Variants in SYNE1 observed in about 807,000 individuals in gnomAD.
The protein encoded by SYNE1 is spectrin repeat containing nuclear envelope protein 1, also known as nesprin-1.
A neutral mutation model predicts 1,111.0 loss-of-function variants in SYNE1; 616 were observed. The observed-to-expected ratio is 0.55, with a 90% CI of 0.52 to 0.59. The LOEUF (loss-of-function observed/expected upper bound fraction) is 0.59. SYNE1 is among the 20% of genes least tolerant of loss of function. SYNE1 has a pLI of 0.00. For missense variants in SYNE1, 10,006 were observed against 10,417.0 expected, an observed-to-expected ratio of 0.96 and a Z score of 1.72; for synonymous variants, 3,855 against 3,825.8, an observed-to-expected ratio of 1.01 and a Z score of -0.28.
intron 14 of SYNE1, chr6:152,480,878 A>T: frequency 2.3e-6 from 1 of 433,648 alleles, no homozygotes; most frequent in Admixed American, 2.6e-5. Context: ...GATCCACTTC[A>T]TTTCTGGTTT....
Position 152,326,457 on chromosome 6 carries a change from CT to C in SYNE1, c.15131del (p.Gln5044ArgfsTer13). 1 of 1,614,196 alleles carries C rather than the reference CT, an allele frequency of 6.2e-7. No individual in the cohort carries two copies. The highest frequency in any genetic ancestry group is 8.5e-7 in the Non-Finnish European group (1 of 1,180,046). On this transcript the variant is annotated frameshift_variant, in exon 79 of 146. Transcript: ENST00000367255. LOFTEE classifies it high-confidence loss of function. ...SHMEFFSTED[Q>X]FHSNLEELHS... The stretch of plus-strand genomic sequence containing the variant: ...GGAGCTCCTCCAGGTTACTATGGAA[CT>C]GATCCTCTGTACTGAAAAATTCCAT...
At chr6:152,486,218 AC>A (rs1056981298) in intron 12 of SYNE1, among the ~76,000 whole-genome samples, 6 of 151,028 alleles carry the variant, frequency 4.0e-5, no homozygotes, top group African/African-American at 1.5e-4. Context: ...ATTAAAAAAA[AC>A]AACAAAAAAA....
chr6:152,288,366 G>C (rs1313859751), intron 95 of SYNE1, among the ~76,000 whole-genome samples: 2 of 152,092 alleles, frequency 1.3e-5, no homozygotes, highest in Non-Finnish European at 2.9e-5. Context: ...TCTGTTTTCT[G>C]TTTGATGTGT....
chr6:152,492,947 C>G (rs2154307522), intron 11 of SYNE1, among the ~76,000 whole-genome samples: 1 of 152,218 alleles, frequency 6.6e-6, no homozygotes, highest in African/African-American at 2.4e-5. Context: ...TAGTTATCCC[C>G]ATCTGCCCAG....
chr6:152,225,723 T>C lies in SYNE1; in HGVS notation c.21349A>G (p.Met7117Val). 3.7e-6 allele frequency: 6 copies of C among 1,614,162 alleles called. No homozygotes were observed. The highest frequency in any genetic ancestry group is 5.1e-6 in the Non-Finnish European group (6 of 1,180,004). ...TGGCTTTCTGTGAGCAATATTACCA[T>C]GTGATCTAAATTTGCCCAGGTTTGG... Reference protein sequence around the residue: ...LGQTWANLDHMVGQLKILLKS... With the variant: ...LGQTWANLDHVVGQLKILLKS... Residue 7117 changes from methionine to valine, a missense_variant and splice_region_variant, in exon 116 of 146, where the codon ATG becomes GTG. Met to Val is a conservative substitution (Grantham distance 21, BLOSUM62 1). This residue lies in a region of SYNE1 where 2,182 missense variants were observed against 2,287.8 expected (regional missense o/e 0.95). Transcript: ENST00000367255.
chr6:152,141,778 A>T (rs2058599047), intron 138 of SYNE1, among the ~76,000 whole-genome samples: 1 of 151,856 alleles, frequency 6.6e-6, no homozygotes, highest in Non-Finnish European at 1.5e-5. Flanking sequence ...AAGAAAAAAT[A>T]AGCAGAGGTA....
intron 128 of SYNE1, among the ~76,000 whole-genome samples, chr6:152,180,541 G>A (rs2153183045): frequency 6.6e-6 from 1 of 152,016 alleles, no homozygotes; most frequent in East Asian, 1.9e-4. Context: ...CACACAATTG[G>A]TTCAGGATAG....
At chr6:152,240,493 C>T (rs1314204826) in intron 107 of SYNE1, among the ~76,000 whole-genome samples, 1 of 152,112 alleles carries the variant, frequency 6.6e-6, no homozygotes, top group Non-Finnish European at 1.5e-5. Flanking sequence ...GGCCTTGCGC[C>T]ATCCTACTAA....
rs142799802 is a variant in SYNE1, at chr6:152,320,773, G to T, written c.16236+465C>A. ...GATGGCTCTTCTCTAGCAACATTAG[G>T]GGACCCACCCGCATGCATTTTAGGA... On this transcript the variant is annotated intron_variant, in intron 84 of 145. Transcript: ENST00000367255. Among the ~76,000 whole-genome samples, 62 of 152,238 alleles carry T rather than the reference G, an allele frequency of 4.1e-4. No homozygotes were observed. In the Middle Eastern group the frequency reaches 0.01, roughly 25 times the overall value.
At position 152,122,312 on chromosome 6, in the gene SYNE1, G is replaced by A; in HGVS notation, c.*124C>T. Reference sequence around the variant, plus strand: ...ATTTGCACACATGTGATCTGGAGGAGGGCTAAAGCTGCCACACCGAGGGCT... The same window carrying A: ...ATTTGCACACATGTGATCTGGAGGAAGGCTAAAGCTGCCACACCGAGGGCT... On this transcript the variant is annotated 3_prime_UTR_variant, in exon 146 of 146. Coordinates refer to ENST00000367255, the MANE Select transcript of SYNE1 (RefSeq NM_182961.4). 6 of 1,496,550 alleles carry A rather than the reference G, an allele frequency of 4.0e-6. No homozygotes were observed. In the South Asian group the frequency reaches 6.9e-5, roughly 17 times the overall value. The allele number at this position is 1,496,550 out of a possible 1,614,324, so 92.7% of individuals were successfully genotyped here.
chr6:152,413,416 C>T lies in SYNE1; in HGVS notation c.6166G>A (p.Val2056Ile). 1 of 1,614,152 alleles carries T rather than the reference C, an allele frequency of 6.2e-7. No individual in the cohort carries two copies. The highest frequency in any genetic ancestry group is 1.6e-4 in the Middle Eastern group (1 of 6,062). The part of the protein sequence containing the change: ...AQKDVAFAPE[V>I]DREINRLEVT... Reference sequence around the variant, plus strand: ...TCTAAGCGGTTTATCTCCCTGTCAACTTCAGGTGCAAAAGCTACATCTTTC... The same window carrying T: ...TCTAAGCGGTTTATCTCCCTGTCAATTTCAGGTGCAAAAGCTACATCTTTC... Residue 2056 changes from valine (V) to isoleucine (I), a missense_variant, in exon 42 of 146, where the codon GTT (valine) becomes ATT (isoleucine). Around this residue, in one of 7 missense-constraint regions of SYNE1, gnomAD observed 4,955 missense variants for 5,017.2 expected, o/e 0.99. Coordinates refer to ENST00000367255, the MANE Select transcript of SYNE1 (RefSeq NM_182961.4).
At chr6:152,168,866 C>A (rs1246538000) in intron 130 of SYNE1, among the ~76,000 whole-genome samples, 2 of 151,988 alleles carry the variant, frequency 1.3e-5, no homozygotes, top group Non-Finnish European at 2.9e-5. Flanking sequence ...ATGTAGATGA[C>A]AAAAATAACA....
chr6:152,368,919 C>G, intron 61 of SYNE1, 53 bp downstream of exon 61: 1 of 1,612,982 alleles, frequency 6.2e-7, no homozygotes, highest in Non-Finnish European at 8.5e-7. Context: ...TGCTGCAACT[C>G]CAATTTTGCG....
chr6:152,284,011 C>T lies in SYNE1; in HGVS notation c.18174G>A (p.Arg6058=), dbSNP rs776523606. ...GCTGCCGTTTCCCCGAGGCTTTCAT[C>T]CTGATGGTGGACATTCGCTCGGCTA... ...TVLAERMSTI[R]MKASGKRQLL... The change falls in exon 96 of 146, where the codon AGG becomes AGA. Residue 6058 remains arginine, a synonymous_variant. Transcript: ENST00000367255. The T allele has an allele frequency of 1.9e-6, 3 of 1,614,244 alleles. No homozygotes were observed. Among genetic ancestry groups the T allele is most frequent in the East Asian group, 2.2e-5 (1 of 44,888 alleles).
chr6:152,131,581 GC>G (rs1213187956), intron 144 of SYNE1, among the ~76,000 whole-genome samples: 1 of 152,176 alleles, frequency 6.6e-6, no homozygotes, highest in Non-Finnish European at 1.5e-5. Flanking sequence ...CAGTGAGGCA[GC>G]CCCCGCCAAG....
In SYNE1 at chr6:152,352,330, T is replaced by C; in HGVS notation, c.11277A>G (p.Lys3759=). Residue 3759 remains lysine (K), a synonymous_variant, in exon 70 of 146, where the codon AAA becomes AAG. Transcript: ENST00000367255. ...TLEVLLKDME[K]GHSLLKSARE... ...GGGCTGATTTCAGCAAACTGTGACC[T>C]TTCTCCATGTCTTTGAGCAAAACCT... 1.2e-6 allele frequency: 2 copies of C among 1,614,150 alleles called. No homozygotes were observed. The highest frequency in any genetic ancestry group is 1.7e-6 in the Non-Finnish European group (2 of 1,180,028).
intron 41 of SYNE1, 109 bp from the exon 42 acceptor site, chr6:152,413,640 A>G (rs1399089209): frequency 4.5e-6 from 5 of 1,104,376 alleles, no homozygotes; most frequent in Non-Finnish European, 6.6e-6. Flanking sequence ...AGACAGCTAG[A>G]AAAACTTTTA....
At chr6:152,596,458 G>C (rs1565080341) in intron 3 of SYNE1, among the ~76,000 whole-genome samples, 1 of 152,070 alleles carries the variant, frequency 6.6e-6, no homozygotes, top group Non-Finnish European at 1.5e-5. Context: ...GTTTCACCAT[G>C]TTGGCCATGC....
intron 30 of SYNE1, 53 bp from the exon 31 acceptor site, chr6:152,442,298 A>G: frequency 6.2e-7 from 1 of 1,604,318 alleles, no homozygotes; most frequent in South Asian, 1.1e-5. Flanking sequence ...TAAACAGCTA[A>G]GTAGGGACAT....
Sources: allele counts gnomAD v4.1 joint callset (sites outside exome capture counted in the v4.1 genomes callset), GRCh38; gene constraint gnomAD v4.1.1; regional missense constraint gnomAD v4.1.1; transcripts MANE v1.5; gene names NCBI Gene and HGNC (gene_info 2026-07-23, HGNC 2026-07-21).